Variants in SLC7A11 observed in about 807,000 individuals in gnomAD.
SLC7A11 encodes the protein solute carrier family 7 member 11.
In SLC7A11, 35 loss-of-function variants were observed where a neutral mutation model predicts 54.5. The ratio of observed to expected loss-of-function variants is 0.64; its 90% CI spans 0.49 to 0.85. The LOEUF is 0.85. SLC7A11 is among the 40% of genes least tolerant of loss of function. SLC7A11 has a pLI of 0.00. For missense variants in SLC7A11, 583 were observed against 618.1 expected, an observed-to-expected ratio of 0.94 and a Z score of 0.60; for synonymous variants, 230 against 225.2, an observed-to-expected ratio of 1.02 and a Z score of -0.19.
In SLC7A11 at chr4:138,224,552, T is replaced by G. The variant is rs1737891746; in HGVS notation, c.521-1228A>C. 2.0e-5 allele frequency among the ~76,000 whole-genome samples: 3 copies of G among 152,056 alleles called. No individual in the cohort carries two copies. The South Asian group carries it at 6.2e-4, about 31-fold the overall frequency. The stretch of plus-strand genomic sequence containing the variant: ...CTGCCTGATATAGTTACTAGCTCAC[T>G]TCAGAATTTAACAATCAATGCAAAT... On this transcript the variant is annotated intron_variant, in intron 3 of 11. Transcript: ENST00000280612.
rs1736216727 is a variant in SLC7A11, at chr4:138,164,874, C to T, written c.*7082G>A. The T allele has an allele frequency of 6.6e-6, 1 of 152,056 alleles. No homozygotes were observed. Among genetic ancestry groups the T allele is most frequent in the South Asian group, 2.1e-4 (1 of 4,826 alleles). The allele number at this position is 152,056 out of a possible 1,614,324, so 9.4% of individuals were successfully genotyped here. On this transcript the variant is annotated 3_prime_UTR_variant, in exon 12 of 12. Coordinates refer to ENST00000280612, the MANE Select transcript of SLC7A11 (RefSeq NM_014331.4). Reference sequence around the variant, plus strand: ...GGTCATAACTAATGCATTCCAGATCCAAGTTAGGGATTTAGCTGGTCTATA... The same window carrying T: ...GGTCATAACTAATGCATTCCAGATCTAAGTTAGGGATTTAGCTGGTCTATA...
chr4:138,225,490 C>A (rs1471220377), intron 3 of SLC7A11, among the ~76,000 whole-genome samples: 1 of 151,794 alleles, frequency 6.6e-6, no homozygotes, highest in African/African-American at 2.4e-5. Flanking sequence ...ATAGACAGGT[C>A]TGTTGTCAAT....
At chr4:138,224,156 C>A (rs1338194959) in intron 3 of SLC7A11, among the ~76,000 whole-genome samples, 2 of 152,132 alleles carry the variant, frequency 1.3e-5, no homozygotes, top group Non-Finnish European at 1.5e-5. Flanking sequence ...TAACTTAATA[C>A]ATTTTTGTTG....
intron 9 of SLC7A11, 71 bp downstream of exon 9, chr4:138,182,226 C>T: frequency 1.1e-6 from 1 of 948,984 alleles, no homozygotes; most frequent in Non-Finnish European, 1.7e-6. Flanking sequence ...TATCTAATGT[C>T]TGGTTGGAAT....
chr4:138,239,947 C>G (rs951378069), intron 1 of SLC7A11, among the ~76,000 whole-genome samples: 2 of 152,140 alleles, frequency 1.3e-5, no homozygotes, highest in Admixed American at 1.3e-4. Context: ...GATTTAAAGG[C>G]TGAGGGTGCA....
At chr4:138,195,023 T>G (rs994402042) in intron 6 of SLC7A11, among the ~76,000 whole-genome samples, 5 of 152,154 alleles carry the variant, frequency 3.3e-5, no homozygotes, top group African/African-American at 1.2e-4. Context: ...CTTTACAATC[T>G]CTTCTCCTGT....
chr4:138,228,866 C>A (rs182878125), intron 3 of SLC7A11, among the ~76,000 whole-genome samples: 4 of 151,698 alleles, frequency 2.6e-5, no homozygotes, highest in African/African-American at 9.7e-5. Context: ...AACTTCCACG[C>A]ACCTGACATG....
chr4:138,175,698 C>G (rs1244442098), intron 11 of SLC7A11: 1 of 152,190 alleles, frequency 6.6e-6, no homozygotes, highest in East Asian at 1.9e-4. Flanking sequence ...ATACTGGCAT[C>G]CTGTGGCTGG....
intron 4 of SLC7A11, among the ~76,000 whole-genome samples, chr4:138,221,775 T>C (rs546447115): frequency 1.3e-4 from 20 of 152,338 alleles, no homozygotes; most frequent in Non-Finnish European, 2.4e-4. Context: ...TCTATAATGC[T>C]ACCTATAGTA....
Position 138,171,898 on chromosome 4 carries a change from A to G in SLC7A11, c.*58T>C, listed in dbSNP as rs75038481. On this transcript the variant is annotated 3_prime_UTR_variant, in exon 12 of 12. Coordinates refer to ENST00000280612, the MANE Select transcript of SLC7A11 (RefSeq NM_014331.4). ...CTCTAGACTTTCAGAAAATGAAGTAAAAATCCCTATTTTGTGTCTCCCCTT... is the reference window on the plus strand; with the variant it reads ...CTCTAGACTTTCAGAAAATGAAGTAGAAATCCCTATTTTGTGTCTCCCCTT... 6.5e-7 allele frequency: 1 copy of G among 1,550,324 alleles called. No homozygotes were observed. The highest frequency in any genetic ancestry group is 2.4e-5 in the East Asian group (1 of 41,332).
rs1229775017 is a variant in SLC7A11 at position 138,168,135 on chromosome 4, A to G, written c.*3821T>C. Reference sequence around the variant, plus strand: ...GCAGATTTTGTGGGGGTAGAAGTGTACACAACTTTGCTGGTCTTCTTCAAC... The same window carrying G: ...GCAGATTTTGTGGGGGTAGAAGTGTGCACAACTTTGCTGGTCTTCTTCAAC... On this transcript the variant is annotated 3_prime_UTR_variant, in exon 12 of 12. Coordinates refer to ENST00000280612, the MANE Select transcript of SLC7A11 (RefSeq NM_014331.4). 6.6e-6 allele frequency: 1 copy of G among 152,216 alleles called. No homozygotes were observed. The highest frequency in any genetic ancestry group is 1.5e-5 in the Non-Finnish European group (1 of 68,044). 9.4% of individuals were successfully genotyped at this position (152,216 alleles called of 1,614,324 possible). A position where few individuals can be genotyped will look rare whatever the true frequency, so the allele number is the denominator to read the frequency against.
intron 3 of SLC7A11, 54 bp from the exon 4 acceptor site, chr4:138,223,378 A>G: frequency 4.4e-6 from 7 of 1,592,942 alleles, no homozygotes; most frequent in Non-Finnish European, 6.0e-6. Context: ...GCACAAAGAC[A>G]TTTTAGGTCC....
At chr4:138,177,238 A>T (rs981724118) in intron 11 of SLC7A11, 1 of 152,158 alleles carries the variant, frequency 6.6e-6, no homozygotes, top group Non-Finnish European at 1.5e-5. Flanking sequence ...GGCATTATTT[A>T]TTAATAATTT....
rs1736325118 is a variant in SLC7A11 at position 138,168,469 on chromosome 4, A to G, written c.*3487T>C. 1 of 152,204 alleles carries G rather than the reference A, an allele frequency of 6.6e-6. No individual in the cohort carries two copies. Among genetic ancestry groups the G allele is most frequent in the Non-Finnish European group, 1.5e-5 (1 of 68,036 alleles). 9.4% of individuals were successfully genotyped at this position (152,204 alleles called of 1,614,324 possible). A position where few individuals can be genotyped will look rare whatever the true frequency, so the allele number is the denominator to read the frequency against. On this transcript the variant is annotated 3_prime_UTR_variant, in exon 12 of 12. Transcript: ENST00000280612. Reference sequence around the variant, plus strand: ...GAGTTGCTCCCTTTCTTAGCAGTATATTCATCTGCAAATCAAGATAAAATA... The same window carrying G: ...GAGTTGCTCCCTTTCTTAGCAGTATGTTCATCTGCAAATCAAGATAAAATA...
At chr4:138,201,654 A>G (rs1422327353) in intron 6 of SLC7A11, among the ~76,000 whole-genome samples, 3 of 152,138 alleles carry the variant, frequency 2.0e-5, no homozygotes, top group Non-Finnish European at 4.4e-5. Flanking sequence ...GTCAAGCAGT[A>G]CAGAAGAAAA....
intron 11 of SLC7A11, 110 bp from the exon 12 acceptor site, chr4:138,172,127 T>A: frequency 6.5e-6 from 7 of 1,071,150 alleles, no homozygotes; most frequent in Non-Finnish European, 8.9e-6. Flanking sequence ...AACTGTCTAC[T>A]TCATAGAGCA....
Position 138,166,144 on chromosome 4 carries a change from AAGAC to A in SLC7A11, c.*5808_*5811del, listed in dbSNP as rs1364953565. Reference sequence around the variant, plus strand: ...AATTAATTCAGAAATCTTTTGAAATAAGACAGTTCAAACCTAGGACCAGGTAACC... The same window carrying A: ...AATTAATTCAGAAATCTTTTGAAATAAGTTCAAACCTAGGACCAGGTAACC... On this transcript the variant is annotated 3_prime_UTR_variant, in exon 12 of 12. Transcript: ENST00000280612. The A allele has an allele frequency of 6.6e-6, 1 of 152,200 alleles. No homozygotes were observed. The highest frequency in any genetic ancestry group is 1.5e-5 in the Non-Finnish European group (1 of 68,026). 9.4% of individuals were successfully genotyped at this position (152,200 alleles called of 1,614,324 possible). A position where few individuals can be genotyped will look rare whatever the true frequency, so the allele number is the denominator to read the frequency against.
At chr4:138,182,212 A>G (rs10016559) in intron 9 of SLC7A11, 85 bp downstream of exon 9, 811,897 of 823,670 alleles carry the variant, frequency 0.99, 401,010 homozygotes, top group East Asian at 1. Context: ...AGAAAGTAAA[A>G]TACTATCTAA....
intron 6 of SLC7A11, among the ~76,000 whole-genome samples, chr4:138,194,969 C>A (rs1474891936): frequency 6.6e-6 from 1 of 152,144 alleles, no homozygotes; most frequent in Non-Finnish European, 1.5e-5. Context: ...GAAGTTTCTG[C>A]ATTTATTTTG....
Sources: allele counts gnomAD v4.1 joint callset (sites outside exome capture counted in the v4.1 genomes callset), GRCh38; gene constraint gnomAD v4.1.1; transcripts MANE v1.5; gene names NCBI Gene and HGNC (gene_info 2026-07-23, HGNC 2026-07-21).